The following PLPPR1 variants were observed in gnomAD, a reference collection of about 807,000 sequenced individuals.
PLPPR1 encodes the protein phospholipid phosphatase-related protein type 1.
In PLPPR1, 10 loss-of-function variants were observed where a neutral mutation model predicts 33.1. That is an observed-to-expected ratio of 0.30 (90% CI 0.19 to 0.51). The LOEUF is 0.51. Ranked by LOEUF, PLPPR1 falls within the 20% of genes least tolerant of loss-of-function variation. PLPPR1 has a pLI of 0.97. For missense variants in PLPPR1, 304 were observed against 408.1 expected, an observed-to-expected ratio of 0.74 and a Z score of 2.20; for synonymous variants, 151 against 151.0, an observed-to-expected ratio of 1.00 and a Z score of 0.00.
At chr9:101,062,898 G>C (rs1041311548) in intron 1 of PLPPR1, among the ~76,000 whole-genome samples, 4 of 152,004 alleles carry the variant, frequency 2.6e-5, no homozygotes, top group Non-Finnish European at 5.9e-5. Flanking sequence ...TAATCCTCAT[G>C]ATGATGATAC....
rs1564130773 is a variant in PLPPR1, at chr9:101,051,275, T to TA, written c.-46+22173_-46+22174insA. On this transcript the variant is annotated intron_variant, in intron 1 of 7. Coordinates refer to ENST00000374874, the MANE Select transcript of PLPPR1 (RefSeq NM_207299.2). Reference sequence around the variant, plus strand: ...TACTACTACTACTACTACTACTACTTCTACTACTACTACTACTACCACTAC... The same window carrying TA: ...TACTACTACTACTACTACTACTACTTACTACTACTACTACTACTACCACTAC... Among the ~76,000 whole-genome samples, 73 of 143,390 alleles carry TA rather than the reference T, an allele frequency of 5.1e-4. No homozygotes were observed. In the East Asian group the frequency reaches 8.7e-3, roughly 17 times the overall value. The allele number at this position is 143,390 out of a possible 152,430, so 94.1% of individuals were successfully genotyped here. A position where few individuals can be genotyped will look rare whatever the true frequency, so the allele number is the denominator to read the frequency against.
chr9:101,137,075 C>T (rs1831386437), intron 1 of PLPPR1, among the ~76,000 whole-genome samples: 1 of 152,104 alleles, frequency 6.6e-6, no homozygotes, highest in African/African-American at 2.4e-5. Context: ...ACGTTGTATG[C>T]TTGTTTCAAA....
At chr9:101,257,667 G>A (rs1012179324) in intron 2 of PLPPR1, among the ~76,000 whole-genome samples, 2 of 152,048 alleles carry the variant, frequency 1.3e-5, no homozygotes, top group African/African-American at 4.8e-5. Context: ...CTAGTGTTCT[G>A]TACTAGAATA....
chr9:101,056,518 T>C (rs1473852787), intron 1 of PLPPR1, among the ~76,000 whole-genome samples: 1 of 152,208 alleles, frequency 6.6e-6, no homozygotes, highest in Non-Finnish European at 1.5e-5. Context: ...TAGTATATTT[T>C]TGTTTTTCTG....
intron 3 of PLPPR1, among the ~76,000 whole-genome samples, chr9:101,271,267 T>C (rs1003997584): frequency 1.3e-5 from 2 of 152,134 alleles, no homozygotes; most frequent in Non-Finnish European, 2.9e-5. Flanking sequence ...TTCCCTCCCA[T>C]ACAAAATAAG....
At chr9:101,310,342 A>C (rs1828932544) in intron 5 of PLPPR1, among the ~76,000 whole-genome samples, 1 of 152,188 alleles carries the variant, frequency 6.6e-6, no homozygotes, top group African/African-American at 2.4e-5. Flanking sequence ...CTGTTGGCCC[A>C]AAACACCCCC....
At chr9:101,231,162 T>C (rs1223491311) in intron 2 of PLPPR1, among the ~76,000 whole-genome samples, 1 of 151,958 alleles carries the variant, frequency 6.6e-6, no homozygotes, top group Non-Finnish European at 1.5e-5. Context: ...GGCCAGAGTT[T>C]TTCTTCAGGA....
At chr9:101,158,135 A>C (rs1035071576) in intron 1 of PLPPR1, among the ~76,000 whole-genome samples, 11 of 152,222 alleles carry the variant, frequency 7.2e-5, no homozygotes, top group Admixed American at 1.3e-4. Context: ...TGGGTTTGGC[A>C]CTTAAAAGTT....
At chr9:101,158,800 T>A (rs570031101) in intron 1 of PLPPR1, among the ~76,000 whole-genome samples, 9 of 152,260 alleles carry the variant, frequency 5.9e-5, no homozygotes, top group African/African-American at 1.9e-4. Context: ...TAGCTCCAGA[T>A]AAATAGAAGT....
intron 3 of PLPPR1, among the ~76,000 whole-genome samples, chr9:101,277,220 CTG>C (rs1828213629): frequency 6.6e-6 from 1 of 152,192 alleles, no homozygotes. Context: ...ATCCGTAAGA[CTG>C]AGAGCCCTGA....
At chr9:101,314,040 G>A (rs1829009325) in intron 6 of PLPPR1, among the ~76,000 whole-genome samples, 1 of 152,168 alleles carries the variant, frequency 6.6e-6, no homozygotes, top group African/African-American at 2.4e-5. Context: ...CAGAGATGCA[G>A]ATTTCTATTA....
intron 1 of PLPPR1, among the ~76,000 whole-genome samples, chr9:101,139,973 T>G (rs1251661399): frequency 6.6e-6 from 1 of 152,208 alleles, no homozygotes; most frequent in Non-Finnish European, 1.5e-5. Context: ...TTCCCTATTC[T>G]GTACCTCAAC....
At chr9:101,099,782 C>T (rs1830872472) in intron 1 of PLPPR1, among the ~76,000 whole-genome samples, 1 of 152,100 alleles carries the variant, frequency 6.6e-6, no homozygotes, top group Non-Finnish European at 1.5e-5. Context: ...CCTGGAACAA[C>T]TCCCCCATGG....
At chr9:101,086,387 C>T (rs1830676134) in intron 1 of PLPPR1, among the ~76,000 whole-genome samples, 1 of 152,178 alleles carries the variant, frequency 6.6e-6, no homozygotes, top group African/African-American at 2.4e-5. Context: ...TAGGAATTTT[C>T]CATCAGAGTT....
chr9:101,164,243 T>G (rs1438210694), intron 1 of PLPPR1, among the ~76,000 whole-genome samples: 1 of 152,196 alleles, frequency 6.6e-6, no homozygotes, highest in Non-Finnish European at 1.5e-5. Context: ...GCACTCTGCT[T>G]AAACTCTCTG....
At chr9:101,177,531 T>C (rs572974041) in intron 1 of PLPPR1, among the ~76,000 whole-genome samples, 1 of 152,294 alleles carries the variant, frequency 6.6e-6, no homozygotes, top group East Asian at 1.9e-4. Context: ...CATACTAGGT[T>C]TTACTGAATC....
intron 1 of PLPPR1, among the ~76,000 whole-genome samples, chr9:101,115,449 C>G (rs1415557466): frequency 6.6e-6 from 1 of 152,180 alleles, no homozygotes; most frequent in Non-Finnish European, 1.5e-5. Flanking sequence ...CAGATGTAGT[C>G]TTATCATACT....
chr9:101,258,277 C>T (rs1006033783), intron 2 of PLPPR1, among the ~76,000 whole-genome samples: 2 of 152,152 alleles, frequency 1.3e-5, no homozygotes, highest in African/African-American at 4.8e-5. Flanking sequence ...GTCTGTCCAT[C>T]CTTCCTTCCA....
At chr9:101,048,268 A>C (rs910820344) in intron 1 of PLPPR1, among the ~76,000 whole-genome samples, 1 of 152,214 alleles carries the variant, frequency 6.6e-6, no homozygotes, top group Non-Finnish European at 1.5e-5. Flanking sequence ...GGGGCTCCTG[A>C]AAAGCAAAAT....
Sources: allele counts gnomAD v4.1 joint callset (sites outside exome capture counted in the v4.1 genomes callset), GRCh38; gene constraint gnomAD v4.1.1; transcripts MANE v1.5; gene names NCBI Gene and HGNC (gene_info 2026-07-23, HGNC 2026-07-21).